NUMB: variants seen among roughly 807,000 people sequenced by gnomAD.
The protein encoded by NUMB is NUMB endocytic adaptor protein.
NUMB carries 29 observed loss-of-function variants against 59.7 expected under a neutral mutation model. The ratio of observed to expected loss-of-function variants is 0.49; its 90% confidence interval spans 0.36 to 0.66. NUMB has a LOEUF of 0.66. NUMB is among the 30% of genes least tolerant of loss of function. The probability of loss-of-function intolerance (pLI) is 0.00; values close to 1 mark genes in which losing one functional copy is unlikely to be tolerated. For missense variants in NUMB, 723 were observed against 822.0 expected, an observed-to-expected ratio of 0.88 and a Z score of 1.47; for synonymous variants, 288 against 288.2, an observed-to-expected ratio of 1.00 and a Z score of 0.01.
chr14:73,434,279 A>C (rs1897955453), intron 1 of NUMB, among the ~76,000 whole-genome samples: 1 of 152,202 alleles, frequency 6.6e-6, no homozygotes, highest in South Asian at 2.1e-4. Context: ...GATATTGGGC[A>C]AATCACTTAC....
intron 2 of NUMB, among the ~76,000 whole-genome samples, chr14:73,387,317 A>G (rs1052207830): frequency 6.6e-6 from 1 of 152,140 alleles, no homozygotes; most frequent in African/African-American, 2.4e-5. Context: ...TGTTCTCATG[A>G]TAGCAAGTGA....
At chr14:73,422,679 G>A (rs1031295872) in intron 1 of NUMB, among the ~76,000 whole-genome samples, 28 of 151,826 alleles carry the variant, frequency 1.8e-4, no homozygotes, top group African/African-American at 6.8e-4. Context: ...GAGATCAGGG[G>A]AAAGGGGGTG....
chr14:73,437,431 T>G (rs1898106317), intron 1 of NUMB, among the ~76,000 whole-genome samples: 2 of 152,192 alleles, frequency 1.3e-5, no homozygotes, highest in African/African-American at 4.8e-5. Context: ...TTAAAATGAC[T>G]ACTGTGATGG....
intron 2 of NUMB, among the ~76,000 whole-genome samples, chr14:73,383,306 A>G (rs1439438448): frequency 2.0e-5 from 3 of 152,240 alleles, no homozygotes; most frequent in Non-Finnish European, 4.4e-5. Context: ...AACAAAAAAA[A>G]AGTTAAATTG....
intron 4 of NUMB, among the ~76,000 whole-genome samples, chr14:73,343,959 G>C (rs1892780010): frequency 6.6e-6 from 1 of 152,098 alleles, no homozygotes; most frequent in Admixed American, 6.6e-5. Flanking sequence ...GTTAGGGGTT[G>C]GGGGTTGCCT....
At chr14:73,308,543 C>T (rs1044205852) in intron 6 of NUMB, among the ~76,000 whole-genome samples, 1 of 152,162 alleles carries the variant, frequency 6.6e-6, no homozygotes, top group African/African-American at 2.4e-5. Context: ...AGGCATTAAT[C>T]GCAAAGCTAG....
Position 73,416,332 on chromosome 14 carries a change from CT to C in NUMB, c.-232-6265del, listed in dbSNP as rs3028740. ...AGTAAATACTCTTACTTTTTCTTTT[CT>C]TTTTTTTTTTTTTTACTAGAATCAC... On this transcript the variant is annotated intron_variant, in intron 1 of 12. Transcript: ENST00000555238. Among the ~76,000 whole-genome samples, 716 of 141,254 alleles carry C rather than the reference CT, an allele frequency of 5.1e-3. 2 individuals are homozygous for C. The highest frequency in any genetic ancestry group is 0.013 in the African/African-American group (513 of 38,540). The allele number at this position is 141,254 out of a possible 152,430, so 92.7% of individuals were successfully genotyped here.
Position 73,412,353 on chromosome 14 carries a change from C to G in NUMB, c.-232-2285G>C, listed in dbSNP as rs192455981. 5.9e-3 allele frequency among the ~76,000 whole-genome samples: 902 copies of G among 152,180 alleles called. 6 individuals carry two copies. Among genetic ancestry groups the G allele is most frequent in the Non-Finnish European group, 9.3e-3 (633 of 68,010 alleles). Reference sequence around the variant, plus strand: ...AAAGAGATGAGGGGTCTTGGCTGGGCACGGTGGCTCACGCTTGTAATCCCA... The same window carrying G: ...AAAGAGATGAGGGGTCTTGGCTGGGGACGGTGGCTCACGCTTGTAATCCCA... On this transcript the variant is annotated intron_variant, in intron 1 of 12. Transcript: ENST00000555238.
At chr14:73,398,498 T>C (rs1896258027) in intron 2 of NUMB, among the ~76,000 whole-genome samples, 2 of 151,790 alleles carry the variant, frequency 1.3e-5, no homozygotes, top group African/African-American at 2.4e-5. Context: ...CAATTATCTC[T>C]GGATTAGGGT....
chr14:73,369,206 T>A (rs1172645714), intron 2 of NUMB, among the ~76,000 whole-genome samples: 1 of 152,092 alleles, frequency 6.6e-6, no homozygotes, highest in East Asian at 1.9e-4. Flanking sequence ...CACACCCAGC[T>A]AATTTTTTGT....
chr14:73,330,801 G>T (rs1347451667), intron 4 of NUMB, among the ~76,000 whole-genome samples: 2 of 152,176 alleles, frequency 1.3e-5, no homozygotes. Context: ...ATGGATAGAT[G>T]AATGAATGAA....
At chr14:73,424,603 G>C (rs990136832) in intron 1 of NUMB, among the ~76,000 whole-genome samples, 2 of 152,102 alleles carry the variant, frequency 1.3e-5, no homozygotes, top group African/African-American at 4.8e-5. Context: ...CTTGATGTAA[G>C]AGGAAAAAAG....
At chr14:73,282,262 C>T (rs1888680747) in intron 11 of NUMB, 97 bp downstream of exon 11, 2 of 1,211,468 alleles carry the variant, frequency 1.7e-6, no homozygotes, top group Non-Finnish European at 2.3e-6. Flanking sequence ...TCTGACCAGG[C>T]CTTGGGAAGC....
rs929363160 is a variant in NUMB at position 73,276,705 on chromosome 14, G to A, written c.1829C>T (p.Thr610Ile). Residue 610 changes from threonine (T) to isoleucine (I), a missense_variant, in exon 13 of 13, where the codon ACC (threonine) becomes ATC (isoleucine). Thr to Ile is a moderately conservative substitution (Grantham distance 89, BLOSUM62 -1). Coordinates refer to ENST00000555238, the MANE Select transcript of NUMB (RefSeq NM_001005743.2). ...ADRHTEVPTG[T>I]CPVDPFEAQW... ...GGCTTCAAAAGGATCCACTGGGCAG[G>A]TGCCTGTAGGAACCTCTGTATGCCT... 1.2e-6 allele frequency: 2 copies of A among 1,614,082 alleles called. No homozygotes were observed. The highest frequency in any genetic ancestry group is 1.3e-5 in the African/African-American group (1 of 74,926).
chr14:73,305,677 G>A (rs17781956), intron 6 of NUMB, among the ~76,000 whole-genome samples: 24,188 of 152,174 alleles, frequency 0.16, 2,707 homozygotes, highest in Non-Finnish European at 0.23. Flanking sequence ...AGAAGCAACA[G>A]CAGCAAACAG....
chr14:73,375,979 C>T (rs1312259418), intron 2 of NUMB, among the ~76,000 whole-genome samples: 2 of 152,166 alleles, frequency 1.3e-5, no homozygotes, highest in Non-Finnish European at 2.9e-5. Context: ...AAACTAGAAG[C>T]CTTCCCATTA....
chr14:73,447,636 A>C (rs543936277), intron 1 of NUMB, among the ~76,000 whole-genome samples: 9 of 144,836 alleles, frequency 6.2e-5, no homozygotes, highest in Admixed American at 5.4e-4. Flanking sequence ...GGAAAAAAAA[A>C]CAAACAAACC....
At chr14:73,433,378 C>G (rs1049524152) in intron 1 of NUMB, among the ~76,000 whole-genome samples, 1 of 152,090 alleles carries the variant, frequency 6.6e-6, no homozygotes, top group African/African-American at 2.4e-5. Context: ...GCCAAGATCA[C>G]GCCACTGAAC....
At position 73,275,494 on chromosome 14, in the gene NUMB, A is replaced by T. The variant is rs1463907239; in HGVS notation, c.*1084T>A. The T allele has an allele frequency of 6.6e-6, 1 of 152,286 alleles. No individual in the cohort carries two copies. The highest frequency in any genetic ancestry group is 1.5e-5 in the Non-Finnish European group (1 of 68,042). The allele number at this position is 152,286 out of a possible 1,614,324, so 9.4% of individuals were successfully genotyped here. A position where few individuals can be genotyped will look rare whatever the true frequency, so the allele number is the denominator to read the frequency against. On this transcript the variant is annotated 3_prime_UTR_variant, in exon 13 of 13. Coordinates refer to ENST00000555238, the MANE Select transcript of NUMB (RefSeq NM_001005743.2). ...TTTAAAGGATAAAACAAAACCCACC[A>T]AGACCCATATTACAAACCAATATGG...
Sources: gnomAD v4.1 joint callset for allele counts (sites outside exome capture counted in the v4.1 genomes callset) on GRCh38, gnomAD v4.1.1 for gene constraint, MANE v1.5 for transcripts, NCBI Gene and HGNC (gene_info 2026-07-23, HGNC 2026-07-21) for gene names.